Variants in RPH3A observed in about 807,000 individuals in gnomAD.
RPH3A encodes the protein rabphilin-3A.
In RPH3A, 48 loss-of-function variants were observed where a neutral mutation model predicts 102.2. That is an observed-to-expected ratio of 0.47 (90% CI 0.37 to 0.60). The LOEUF (loss-of-function observed/expected upper bound fraction) is 0.60, where lower values mean the gene tolerates loss of function less well. Ranked by LOEUF, RPH3A falls within the 20% of genes least tolerant of loss-of-function variation. The probability of loss-of-function intolerance (pLI) is 0.00; values close to 1 mark genes in which losing one functional copy is unlikely to be tolerated. For missense variants in RPH3A, 781 were observed against 910.1 expected (o/e 0.86, Z 1.83); for synonymous variants, 310 against 324.3 (o/e 0.96, Z 0.47).
intron 1 of RPH3A, among the ~76,000 whole-genome samples, chr12:112,707,301 C>T (rs948043517): frequency 6.6e-6 from 1 of 152,216 alleles, no homozygotes; most frequent in African/African-American, 2.4e-5. Context: ...GTCCCTTCTC[C>T]TCCTCGACCA....
intron 1 of RPH3A, among the ~76,000 whole-genome samples, chr12:112,647,831 A>C (rs1231666014): frequency 1.3e-5 from 2 of 152,220 alleles, no homozygotes; most frequent in Admixed American, 6.5e-5. Flanking sequence ...GCTGCCACAG[A>C]GTAAGTGGGA....
intron 5 of RPH3A, among the ~76,000 whole-genome samples, chr12:112,858,289 A>G (rs572695141): frequency 0.028 from 4,148 of 147,412 alleles, 235 homozygotes; most frequent in African/African-American, 0.095. Flanking sequence ...AAAAAAAAAA[A>G]AAAAAGAAAA....
chr12:112,815,346 C>T (rs2041653266), intron 2 of RPH3A, among the ~76,000 whole-genome samples: 1 of 152,124 alleles, frequency 6.6e-6, no homozygotes, highest in South Asian at 2.1e-4. Flanking sequence ...TATGTTTAAC[C>T]CAACAAATAA....
At chr12:112,594,600 CTGGGGTCCT>C (rs755914685) in intron 1 of RPH3A, among the ~76,000 whole-genome samples, 11 of 152,310 alleles carry the variant, frequency 7.2e-5, no homozygotes, top group Non-Finnish European at 1.0e-4. Context: ...AGGACCTGTG[CTGGGGTCCT>C]TGGGTTCCAG....
intron 1 of RPH3A, among the ~76,000 whole-genome samples, chr12:112,734,365 G>A (rs534127836): frequency 6.6e-6 from 1 of 152,290 alleles, no homozygotes; most frequent in African/African-American, 2.4e-5. Flanking sequence ...ACTCTATGAT[G>A]TTCACACAAT....
intron 1 of RPH3A, among the ~76,000 whole-genome samples, chr12:112,753,088 T>C (rs1283559030): frequency 6.6e-6 from 1 of 151,684 alleles, no homozygotes; most frequent in Non-Finnish European, 1.5e-5. Context: ...CTAAGCACGA[T>C]CGATTCAGAC....
chr12:112,790,807 A>C (rs1404608993), upstream of RPH3A, among the ~76,000 whole-genome samples: 3 of 152,164 alleles, frequency 2.0e-5, no homozygotes, highest in Non-Finnish European at 4.4e-5. Context: ...CATTCTACTC[A>C]AACCACCTGC....
chr12:112,714,117 G>C (rs1205561684), intron 1 of RPH3A, among the ~76,000 whole-genome samples: 3 of 152,148 alleles, frequency 2.0e-5, no homozygotes, highest in Non-Finnish European at 4.4e-5. Context: ...ATGTCGTTAA[G>C]ATTCTGTCCC....
At chr12:112,713,384 C>G (rs1328804965) in intron 1 of RPH3A, among the ~76,000 whole-genome samples, 1 of 152,066 alleles carries the variant, frequency 6.6e-6, no homozygotes, top group Admixed American at 6.6e-5. Context: ...CTGTGTCCCT[C>G]TAGTTCAATG....
intron 3 of RPH3A, among the ~76,000 whole-genome samples, chr12:112,836,150 A>G (rs1432913251): frequency 6.6e-6 from 1 of 152,196 alleles, no homozygotes; most frequent in Non-Finnish European, 1.5e-5. Flanking sequence ...CCAGTGTTTG[A>G]AATAACAGAA....
At chr12:112,895,634 C>G (rs1204992990) in intron 20 of RPH3A, 143 bp from the exon 21 acceptor site, 1 of 588,456 alleles carries the variant, frequency 1.7e-6, no homozygotes, top group African/African-American at 1.8e-5. Context: ...GGCAGAGGAT[C>G]GGCACGGGAA....
At chr12:112,790,093 G>A (rs1481964263), upstream of RPH3A, among the ~76,000 whole-genome samples, 3 of 151,328 alleles carry the variant, frequency 2.0e-5, no homozygotes, top group African/African-American at 2.4e-5. Context: ...TTTCACTCTC[G>A]TTGCCCAGGT....
chr12:112,838,348 G>C (rs1165416364), intron 4 of RPH3A, among the ~76,000 whole-genome samples: 1 of 152,230 alleles, frequency 6.6e-6, no homozygotes, highest in African/African-American at 2.4e-5. Flanking sequence ...GGTCCCGTTG[G>C]CATTCTGAGG....
At chr12:112,648,570 CAAAAAA>C (rs1167121829) in intron 1 of RPH3A, among the ~76,000 whole-genome samples, 39 of 11,042 alleles carry the variant, frequency 3.5e-3, no homozygotes, top group African/African-American at 0.015. Context: ...CCCATCTCTA[CAAAAAA>C]AAAAAAAAAA....
At chr12:112,674,252 C>A (rs750601970) in intron 1 of RPH3A, among the ~76,000 whole-genome samples, 3 of 152,038 alleles carry the variant, frequency 2.0e-5, no homozygotes, top group Non-Finnish European at 4.4e-5. Flanking sequence ...GAGATGGGGT[C>A]TTGCTGTGTT....
intron 1 of RPH3A, among the ~76,000 whole-genome samples, chr12:112,692,373 G>A (rs529200628): frequency 6.6e-6 from 1 of 152,122 alleles, no homozygotes; most frequent in South Asian, 2.1e-4. Context: ...ATATGCTAAT[G>A]ACTTTGAGCT....
chr12:112,732,717 TG>T (rs1592969461), intron 1 of RPH3A, among the ~76,000 whole-genome samples: 2 of 152,258 alleles, frequency 1.3e-5, no homozygotes, highest in East Asian at 3.9e-4. Context: ...TGTCCTGAGT[TG>T]GTTCAATATG....
chr12:112,693,524 C>T (rs2040323076), intron 1 of RPH3A, among the ~76,000 whole-genome samples: 1 of 152,138 alleles, frequency 6.6e-6, no homozygotes, highest in South Asian at 2.1e-4. Context: ...TTTGTTTTTT[C>T]CCACCTCTCT....
At chr12:112,771,083 C>G (rs1246264575) in intron 1 of RPH3A, among the ~76,000 whole-genome samples, 1 of 152,202 alleles carries the variant, frequency 6.6e-6, no homozygotes, top group East Asian at 1.9e-4. Flanking sequence ...AAACCCTTCC[C>G]CCACATCTGT....
Sources: gnomAD v4.1 joint callset for allele counts (sites outside exome capture counted in the v4.1 genomes callset) on GRCh38, gnomAD v4.1.1 for gene constraint, MANE v1.5 for transcripts, NCBI Gene and HGNC (gene_info 2026-07-23, HGNC 2026-07-21) for gene names.